Variants in GTF2IRD1 observed in about 807,000 individuals in gnomAD.
GTF2IRD1 encodes general transcription factor II-I repeat domain-containing protein 1.
In GTF2IRD1, 26 loss-of-function variants were observed where a neutral mutation model predicts 113.2. The ratio of observed to expected loss-of-function variants is 0.23; its 90% confidence interval spans 0.17 to 0.32. GTF2IRD1 has a LOEUF of 0.32. Among genes scored for constraint, GTF2IRD1 ranks in the 10% least tolerant of loss-of-function variants. GTF2IRD1 has a pLI of 1.00. For synonymous variants in GTF2IRD1, 484 were observed against 529.1 expected, an observed-to-expected ratio of 0.91 and a Z score of 1.17; for missense variants, 864 against 1,280.8, an observed-to-expected ratio of 0.67 and a Z score of 4.97.
Position 74,539,765 on chromosome 7 carries a change from CAGAA to C in GTF2IRD1, c.1529-108_1529-105del, listed in dbSNP as rs1376866166. 5.3e-5 allele frequency: 34 copies of C among 645,090 alleles called. No homozygotes were observed. In the African/African-American group the frequency reaches 5.6e-4, roughly 11 times the overall value. The allele number at this position is 645,090 out of a possible 1,614,324, so 40.0% of individuals were successfully genotyped here. A position where few individuals can be genotyped will look rare whatever the true frequency, so the allele number is the denominator to read the frequency against. ...TCTCAAACCAAAAAAAAAAAAGAGA[CAGAA>C]AGAAAAGGACCCTTGTCTGTGGGGA... On this transcript the variant is annotated intron_variant, in intron 13 of 26. Transcript: ENST00000424337.
At chr7:74,564,675 G>C (rs1358233201) in intron 22 of GTF2IRD1, among the ~76,000 whole-genome samples, 1 of 152,288 alleles carries the variant, frequency 6.6e-6, no homozygotes, top group East Asian at 1.9e-4. Context: ...AGGATCCCTC[G>C]AGCCTAGGAG....
Position 74,512,042 on chromosome 7 carries a change from T to C in GTF2IRD1, c.124-788T>C, listed in dbSNP as rs554865568. Among the ~76,000 whole-genome samples, 83 of 152,290 alleles carry C rather than the reference T, an allele frequency of 5.5e-4. No individual in the cohort carries two copies. Among genetic ancestry groups the C allele is most frequent in the Non-Finnish European group, 9.9e-4 (67 of 68,006 alleles). On this transcript the variant is annotated intron_variant, in intron 2 of 26. Coordinates refer to ENST00000424337, the MANE Select transcript of GTF2IRD1 (RefSeq NM_005685.4). This position sits in a 1 kb window ranked among gnomAD's most constrained non-coding sequence, Gnocchi z 4.4. ...AGTGGCACTGTGGAACTGGGCTGCT[T>C]GTCCCCAATTCTATAGACGTGGAAA... is the stretch of plus-strand genomic sequence containing the variant.
At chr7:74,578,218 G>C (rs1316313184) in intron 22 of GTF2IRD1, among the ~76,000 whole-genome samples, 1 of 152,042 alleles carries the variant, frequency 6.6e-6, no homozygotes, top group Admixed American at 6.6e-5. Flanking sequence ...GTCTCGCACT[G>C]TCGCCCAGGC....
At chr7:74,454,373 G>A (rs1415878280) in intron 1 of GTF2IRD1, among the ~76,000 whole-genome samples, 197 bp downstream of exon 1, 3 of 151,874 alleles carry the variant, frequency 2.0e-5, no homozygotes, top group Non-Finnish European at 4.4e-5. Flanking sequence ...CGGGGGGAGG[G>A]GAGGGACGGC....
chr7:74,515,465 A>C lies in GTF2IRD1; in HGVS notation c.290A>C (p.Glu97Ala). 6.2e-7 allele frequency: 1 copy of C among 1,602,562 alleles called. No homozygotes were observed. The highest frequency in any genetic ancestry group is 1.1e-5 in the South Asian group (1 of 89,648). Residue 97 changes from glutamate to alanine, a missense_variant, in exon 4 of 27, where the codon GAG (glutamate) becomes GCG (alanine). By Grantham distance (107) the Glu-to-Ala change is moderately radical (BLOSUM62 -1). Around this residue, in one of 7 missense-constraint regions of GTF2IRD1, gnomAD observed 182 missense variants for 266.6 expected, o/e 0.68. Coordinates refer to ENST00000424337, the MANE Select transcript of GTF2IRD1 (RefSeq NM_005685.4). ...GGAGGGCCCCCGTGGAAGGATCCGG[A>C]GGCAGAGCACCCCAAGAAGGTGCAG... ...FCRGPPWKDP[E>A]AEHPKKVQRG...
At chr7:74,582,557 C>A (rs1452492535) in intron 22 of GTF2IRD1, among the ~76,000 whole-genome samples, 5 of 152,144 alleles carry the variant, frequency 3.3e-5, no homozygotes, top group African/African-American at 9.7e-5. Flanking sequence ...CTGTGCCCAG[C>A]CTGTAGTGCT....
rs147986558 is a variant in GTF2IRD1 at position 74,501,499 on chromosome 7, C to T, written c.-6-6576C>T. Among the ~76,000 whole-genome samples the T allele has an allele frequency of 4.7e-4, 72 of 152,252 alleles. 1 individual carries two copies. In the East Asian group the frequency reaches 9.5e-3, roughly 20 times the overall value. ...TTGAGCTCTACTGAGCCCATGCCAG[C>T]GAGAGTCGTCATGGCCGAGCCCCTG... On this transcript the variant is annotated intron_variant, in intron 1 of 26. Transcript: ENST00000424337.
chr7:74,560,222 C>G (rs1799864834), intron 22 of GTF2IRD1, among the ~76,000 whole-genome samples: 1 of 152,074 alleles, frequency 6.6e-6, no homozygotes, highest in African/African-American at 2.4e-5. Context: ...TTTACCCAGT[C>G]TGGGTTCAGG....
intron 1 of GTF2IRD1, among the ~76,000 whole-genome samples, chr7:74,455,253 G>C (rs1235193825): frequency 6.6e-6 from 1 of 152,238 alleles, no homozygotes; most frequent in Non-Finnish European, 1.5e-5. Flanking sequence ...GGGTACCCCG[G>C]GATGGCCCTG....
chr7:74,574,265 G>A (rs1324762611), intron 22 of GTF2IRD1, among the ~76,000 whole-genome samples: 3 of 146,434 alleles, frequency 2.0e-5, no homozygotes, highest in Non-Finnish European at 4.5e-5. Context: ...ACCTCCCAAA[G>A]TGCCGGGATT....
rs1554353467 is a variant in GTF2IRD1 at position 74,547,111 on chromosome 7, A to G, written c.1741A>G (p.Ile581Val). 6.2e-7 allele frequency: 1 copy of G among 1,612,214 alleles called. No individual in the cohort carries two copies. The highest frequency in any genetic ancestry group is 8.5e-7 in the Non-Finnish European group (1 of 1,179,430). The change falls in exon 17 of 27, where the codon ATT becomes GTT. Residue 581 changes from isoleucine (I) to valine (V), a missense_variant. Coordinates refer to ENST00000424337, the MANE Select transcript of GTF2IRD1 (RefSeq NM_005685.4). ...CAGCCATGTCTCTGCAGCCAAGGCC[A>G]TTGGCATCTCGGAGCCCGTCAAGGT... ...LLFNTRYAKA[I>V]GISEPVKVPY...
rs77402866 is a variant in GTF2IRD1 at position 74,466,723 on chromosome 7, G to A, written c.-7+12547G>A. Among the ~76,000 whole-genome samples the A allele has an allele frequency of 9.5e-3, 1,439 of 152,100 alleles. 22 individuals are homozygous for A. Among genetic ancestry groups the A allele is most frequent in the African/African-American group, 0.031 (1,304 of 41,478 alleles). On this transcript the variant is annotated intron_variant, in intron 1 of 26. Transcript: ENST00000424337. ...TTGTCTGTGTCCCCAGCCACAGCCC[G>A]CATCACAAACAAGACTATAATTGCC...
intron 17 of GTF2IRD1, among the ~76,000 whole-genome samples, chr7:74,551,184 G>T (rs1362132860): frequency 6.6e-6 from 1 of 152,014 alleles, no homozygotes; most frequent in African/African-American, 2.4e-5. Flanking sequence ...TCTACTAAAA[G>T]TACCACAAAT....
chr7:74,477,085 TG>T (rs781882229), intron 1 of GTF2IRD1, among the ~76,000 whole-genome samples: 2 of 152,024 alleles, frequency 1.3e-5, no homozygotes, highest in African/African-American at 2.4e-5. Flanking sequence ...AGAACGGGGC[TG>T]GGCGTGGTGG....
intron 1 of GTF2IRD1, among the ~76,000 whole-genome samples, chr7:74,454,818 G>A (rs569912287): frequency 2.6e-4 from 40 of 152,302 alleles, no homozygotes; most frequent in African/African-American, 8.9e-4. Flanking sequence ...GGAGTAAGTT[G>A]GGGATACTCG....
At chr7:74,458,944 C>T (rs1404668189) in intron 1 of GTF2IRD1, among the ~76,000 whole-genome samples, 1 of 151,888 alleles carries the variant, frequency 6.6e-6, no homozygotes, top group East Asian at 1.9e-4. Context: ...CAGGTGTGAG[C>T]CCCCAGGCCC....
chr7:74,517,927 C>T (rs1797045517), intron 4 of GTF2IRD1, among the ~76,000 whole-genome samples: 1 of 152,182 alleles, frequency 6.6e-6, no homozygotes, highest in Admixed American at 6.5e-5. Flanking sequence ...AGCCCCAGCC[C>T]CCCAGATGCA....
chr7:74,550,993 ATGGCATTAC>A (rs1395626734), intron 17 of GTF2IRD1, among the ~76,000 whole-genome samples: 2 of 152,086 alleles, frequency 1.3e-5, no homozygotes, highest in African/African-American at 4.8e-5. Context: ...GTGAGCTATG[ATGGCATTAC>A]TGCACTCCAG....
At chr7:74,565,492 T>C (rs112981035) in intron 22 of GTF2IRD1, among the ~76,000 whole-genome samples, 20,765 of 151,786 alleles carry the variant, frequency 0.14, 1,618 homozygotes, top group South Asian at 0.26. Context: ...GCCATTGCAC[T>C]CCAGCTTGGG....
Sources: allele counts gnomAD v4.1 joint callset (sites outside exome capture counted in the v4.1 genomes callset), GRCh38; gene constraint gnomAD v4.1.1; regional missense constraint gnomAD v4.1.1; non-coding constraint Gnocchi (gnomAD v3.1); transcripts MANE v1.5; gene names NCBI Gene and HGNC (gene_info 2026-07-23, HGNC 2026-07-21).